Variants in TFEC observed in about 807,000 individuals in gnomAD.
TFEC encodes the protein class E basic helix-loop-helix protein 34.
TFEC carries 31 observed loss-of-function variants against 41.6 expected under a neutral mutation model. The ratio of observed to expected loss-of-function variants is 0.74; its 90% CI spans 0.56 to 1.01. The LOEUF (loss-of-function observed/expected upper bound fraction) is 1.01, where lower values mean the gene tolerates loss of function less well. Among genes scored for constraint, TFEC ranks in the 50% least tolerant of loss-of-function variants. TFEC has a pLI of 0.00. For missense variants in TFEC, 402 were observed against 404.1 expected, an observed-to-expected ratio of 0.99 and a Z score of 0.04; for synonymous variants, 143 against 140.6, an observed-to-expected ratio of 1.02 and a Z score of -0.12.
chr7:116,098,913 A>G (rs553680613), intron 3 of TFEC, among the ~76,000 whole-genome samples: 4 of 149,350 alleles, frequency 2.7e-5, no homozygotes, highest in African/African-American at 1.0e-4. Context: ...GAAGGAAGGA[A>G]GGAAGGAAGG....
chr7:115,950,784 G>C (rs1456928907), intron 6 of TFEC, 90 bp downstream of exon 6: 2 of 954,864 alleles, frequency 2.1e-6, no homozygotes, highest in Admixed American at 5.2e-5. Flanking sequence ...TAGTTTCCTA[G>C]TCATTGGTTC....
rs1793474982 is a variant in TFEC at position 115,941,134 on chromosome 7, T to C, written c.664-203A>G. 5.5e-6 allele frequency: 3 copies of C among 545,078 alleles called. No homozygotes were observed. The African/African-American group carries it at 5.8e-5, about 11-fold the overall frequency. The allele number at this position is 545,078 out of a possible 1,614,324, so 33.8% of individuals were successfully genotyped here. ...TAACTCTGAGAAAATTACTCAGACT[T>C]TTTTTTAAGTTTGGTCTCATTGTTC... On this transcript the variant is annotated intron_variant, in intron 7 of 7. Transcript: ENST00000265440.
At chr7:116,146,331 C>T (rs541356185) in intron 1 of TFEC, among the ~76,000 whole-genome samples, 6 of 152,246 alleles carry the variant, frequency 3.9e-5, no homozygotes, top group African/African-American at 1.4e-4. Context: ...AGAAAACCTA[C>T]CAAAACCAGG....
intron 2 of TFEC, among the ~76,000 whole-genome samples, chr7:115,976,780 GC>G (rs1263660220): frequency 6.6e-6 from 1 of 152,170 alleles, no homozygotes; most frequent in African/African-American, 2.4e-5. Context: ...TATGAGGAGT[GC>G]TTTTCATTTG....
At chr7:115,970,164 T>C (rs1793068158) in intron 3 of TFEC, among the ~76,000 whole-genome samples, 1 of 151,848 alleles carries the variant, frequency 6.6e-6, no homozygotes, top group East Asian at 1.9e-4. Flanking sequence ...TTTAGACATC[T>C]GTGAGAAGAA....
intron 3 of TFEC, among the ~76,000 whole-genome samples, chr7:116,079,100 G>T (rs575664111): frequency 4.6e-5 from 7 of 152,038 alleles, no homozygotes; most frequent in Admixed American, 3.9e-4. Context: ...CTCCATAGAC[G>T]CAGGAAAAAC....
At chr7:115,954,544 T>G (rs1792117015) in intron 5 of TFEC, 42 bp downstream of exon 5, 1 of 1,558,762 alleles carries the variant, frequency 6.4e-7, no homozygotes, top group Admixed American at 1.8e-5. Context: ...CCTCTATGCA[T>G]TTCCTTTTGC....
chr7:116,153,010 A>G (rs911246998), intron 1 of TFEC, among the ~76,000 whole-genome samples: 1 of 152,204 alleles, frequency 6.6e-6, no homozygotes, highest in East Asian at 1.9e-4. Context: ...GGTAGAGGAA[A>G]GCATAAGCAT....
At chr7:115,964,249 G>A (rs1792727339) in intron 3 of TFEC, among the ~76,000 whole-genome samples, 2 of 151,420 alleles carry the variant, frequency 1.3e-5, no homozygotes, top group Admixed American at 1.3e-4. Context: ...AGAATCAAAA[G>A]GTACTTTAAA....
chr7:116,013,058 T>G (rs889695422), intron 1 of TFEC, among the ~76,000 whole-genome samples: 1 of 152,060 alleles, frequency 6.6e-6, no homozygotes, highest in Admixed American at 6.6e-5. Context: ...TAATTGAAAA[T>G]GAGACTTTTA....
intron 5 of TFEC, among the ~76,000 whole-genome samples, chr7:115,954,328 G>A (rs1792101810): frequency 6.6e-6 from 1 of 151,982 alleles, no homozygotes; most frequent in South Asian, 2.1e-4. Context: ...GTAACCAAAT[G>A]CACTCATCTC....
intron 3 of TFEC, among the ~76,000 whole-genome samples, chr7:116,090,855 A>T (rs1247452035): frequency 1.3e-5 from 2 of 151,978 alleles, no homozygotes; most frequent in Non-Finnish European, 2.9e-5. Context: ...TTCTCAACAA[A>T]CTAACACAGG....
At chr7:116,078,267 C>T (rs1797006455) in intron 3 of TFEC, among the ~76,000 whole-genome samples, 1 of 151,832 alleles carries the variant, frequency 6.6e-6, no homozygotes. Context: ...TCTAAGGTCA[C>T]ATCACACAGA....
intron 1 of TFEC, among the ~76,000 whole-genome samples, chr7:116,128,111 T>C (rs1798253192): frequency 6.6e-6 from 1 of 152,188 alleles, no homozygotes; most frequent in Non-Finnish European, 1.5e-5. Flanking sequence ...AAATAGTCAA[T>C]AAAGTTGAAA....
At chr7:116,010,150 C>T (rs1195599474) in intron 1 of TFEC, among the ~76,000 whole-genome samples, 2 of 152,124 alleles carry the variant, frequency 1.3e-5, no homozygotes, top group African/African-American at 4.8e-5. Context: ...AAAATAATGA[C>T]ATGGTCCAAA....
chr7:116,152,681 A>G (rs929248993), intron 1 of TFEC, among the ~76,000 whole-genome samples: 1 of 152,222 alleles, frequency 6.6e-6, no homozygotes, highest in South Asian at 2.1e-4. Flanking sequence ...AGTAATGGAG[A>G]CAAAACCAGC....
chr7:115,950,974 T>TAATCAATAA, intron 5 of TFEC, 25 bp from the exon 6 acceptor site: 5 of 1,413,592 alleles, frequency 3.5e-6, no homozygotes, highest in Non-Finnish European at 4.9e-6. Flanking sequence ...ATATTATTGA[T>TAATCAATAA]TATTCTCATT....
chr7:115,983,714 C>G (rs1439652365), intron 2 of TFEC, among the ~76,000 whole-genome samples: 1 of 152,016 alleles, frequency 6.6e-6, no homozygotes, highest in East Asian at 1.9e-4. Context: ...TTTGTATGAT[C>G]AGCACCTCTA....
intron 3 of TFEC, among the ~76,000 whole-genome samples, chr7:116,045,892 T>A (rs527590675): frequency 6.6e-6 from 1 of 152,344 alleles, no homozygotes; most frequent in East Asian, 1.9e-4. Context: ...CAGCATGACC[T>A]GGATGTGAGA....
Sources: allele counts gnomAD v4.1 joint callset (sites outside exome capture counted in the v4.1 genomes callset), GRCh38; gene constraint gnomAD v4.1.1; transcripts MANE v1.5; gene names NCBI Gene and HGNC (gene_info 2026-07-23, HGNC 2026-07-21).